NRCAM: variants seen among roughly 807,000 people sequenced by gnomAD.
NRCAM encodes NgCAM-related cell adhesion molecule.
A neutral mutation model predicts 156.5 loss-of-function variants in NRCAM; 83 were observed. That is an observed-to-expected ratio of 0.53 (90% CI 0.44 to 0.64). The LOEUF (loss-of-function observed/expected upper bound fraction) is 0.64. Among genes scored for constraint, NRCAM ranks in the 30% least tolerant of loss-of-function variants. The probability of loss-of-function intolerance (pLI) is 0.00; values close to 1 mark genes in which losing one functional copy is unlikely to be tolerated. For missense variants in NRCAM, 1,417 were observed against 1,597.3 expected (o/e 0.89, Z 1.92); for synonymous variants, 538 against 563.9 (o/e 0.95, Z 0.65).
At chr7:108,198,216 A>C (rs1264088986) in intron 13 of NRCAM, 117 bp from the exon 14 acceptor site, 1 of 710,892 alleles carries the variant, frequency 1.4e-6, no homozygotes, top group Non-Finnish European at 2.2e-6. Flanking sequence ...CAGTAAGAAT[A>C]AGACTAGAAT....
chr7:108,210,144 T>C (rs1588361359), intron 11 of NRCAM, among the ~76,000 whole-genome samples: 2 of 151,886 alleles, frequency 1.3e-5, no homozygotes, highest in East Asian at 3.9e-4. Flanking sequence ...GAAAGAGCTT[T>C]TTTTCCTTAG....
chr7:108,168,636 G>A (rs2056470051), intron 28 of NRCAM, among the ~76,000 whole-genome samples: 1 of 152,206 alleles, frequency 6.6e-6, no homozygotes, highest in Admixed American at 6.5e-5. Context: ...AAATTTGTGA[G>A]TTCTATTATA....
chr7:108,430,377 G>A (rs1260469388), intron 1 of NRCAM, among the ~76,000 whole-genome samples: 1 of 152,152 alleles, frequency 6.6e-6, no homozygotes, highest in Non-Finnish European at 1.5e-5. Context: ...AACTAGTGGT[G>A]ATGGAGGGAA....
intron 1 of NRCAM, among the ~76,000 whole-genome samples, chr7:108,455,032 C>G (rs749698710): frequency 2.0e-5 from 3 of 152,074 alleles, no homozygotes; most frequent in Non-Finnish European, 4.4e-5. Flanking sequence ...CGCCAGCGTA[C>G]GGGGGACGAA....
intron 9 of NRCAM, 30 bp downstream of exon 9, chr7:108,226,177 GA>G: frequency 6.7e-7 from 1 of 1,496,000 alleles, no homozygotes; most frequent in Non-Finnish European, 9.1e-7. Flanking sequence ...AAATGTCATT[GA>G]AGGGGAGATT....
intron 20 of NRCAM, among the ~76,000 whole-genome samples, chr7:108,186,611 A>G (rs908316780): frequency 6.6e-6 from 1 of 152,140 alleles, no homozygotes; most frequent in Admixed American, 6.5e-5. Context: ...TGGTGTACTT[A>G]GTGTCTCCAT....
chr7:108,393,264 G>A (rs1040700233), intron 2 of NRCAM, among the ~76,000 whole-genome samples: 2 of 152,166 alleles, frequency 1.3e-5, no homozygotes, highest in Non-Finnish European at 1.5e-5. Context: ...CCTCAGTAAT[G>A]GTGGGCGCCC....
rs1448507180 is a variant in NRCAM, at chr7:108,318,539, T to C, written c.-173-5808A>G. 2.6e-5 allele frequency among the ~76,000 whole-genome samples: 4 copies of C among 152,284 alleles called. No homozygotes were observed. In the East Asian group the frequency reaches 7.7e-4, roughly 29 times the overall value. ...ACGTTCCACAGGGTGGAAAACACAC[T>C]GTTGACAAACACAGAAGAGCACTTG... is the stretch of plus-strand genomic sequence containing the variant. On this transcript the variant is annotated intron_variant, in intron 2 of 32. Transcript: ENST00000379028.
intron 2 of NRCAM, among the ~76,000 whole-genome samples, chr7:108,332,182 G>A (rs1409285291): frequency 1.3e-5 from 2 of 152,130 alleles, no homozygotes; most frequent in African/African-American, 4.8e-5. Flanking sequence ...AGAGACCCAG[G>A]AACCCCACAG....
In NRCAM at chr7:108,344,435, G is replaced by A. The variant is rs117655943; in HGVS notation, c.-173-31704C>T. Among the ~76,000 whole-genome samples the A allele has an allele frequency of 5.7e-3, 862 of 152,096 alleles. 4 individuals are homozygous for A. The highest frequency in any genetic ancestry group is 9.5e-3 in the Non-Finnish European group (649 of 67,990). ...CGAGCTGGCAATGGCTATGCTCTTCGGGTCCCCTCCTTTTGCATGGGAGCT... is the reference window on the plus strand; with the variant it reads ...CGAGCTGGCAATGGCTATGCTCTTCAGGTCCCCTCCTTTTGCATGGGAGCT... On this transcript the variant is annotated intron_variant, in intron 2 of 32. Transcript: ENST00000379028.
chr7:108,194,218 T>A, intron 16 of NRCAM, 44 bp downstream of exon 16: 1 of 1,611,054 alleles, frequency 6.2e-7, no homozygotes, highest in Non-Finnish European at 8.5e-7. Context: ...CTGGAGAATT[T>A]GTTCAAAGTC....
At chr7:108,208,309 T>C in intron 12 of NRCAM, among the ~76,000 whole-genome samples, 1 of 151,778 alleles carries the variant, frequency 6.6e-6, no homozygotes, top group African/African-American at 2.4e-5. Flanking sequence ...CAACTCAAAA[T>C]AATAAATAAA....
chr7:108,183,087 C>A (rs1185638256), intron 22 of NRCAM, among the ~76,000 whole-genome samples, 167 bp from the exon 23 acceptor site: 1 of 152,224 alleles, frequency 6.6e-6, no homozygotes, highest in Non-Finnish European at 1.5e-5. Context: ...TGTGCATTTG[C>A]AATGAGATTC....
chr7:108,181,192 G>GC (rs1452778713), intron 24 of NRCAM, among the ~76,000 whole-genome samples: 3 of 49,166 alleles, frequency 6.1e-5, no homozygotes, highest in African/African-American at 1.2e-4. Flanking sequence ...GCAATGCTAG[G>GC]GGGAAAAAAA....
At chr7:108,357,426 C>T (rs1249255916) in intron 2 of NRCAM, among the ~76,000 whole-genome samples, 1 of 151,922 alleles carries the variant, frequency 6.6e-6, no homozygotes, top group African/African-American at 2.4e-5. Context: ...CTCCACCTCC[C>T]GGGTTCAAGC....
chr7:108,213,624 G>A (rs1463113553), intron 11 of NRCAM, among the ~76,000 whole-genome samples: 3 of 152,120 alleles, frequency 2.0e-5, no homozygotes, highest in Non-Finnish European at 4.4e-5. Context: ...AGCTATTTTT[G>A]TATCAGACAA....
intron 2 of NRCAM, among the ~76,000 whole-genome samples, chr7:108,356,806 C>A (rs1398114954): frequency 1.3e-5 from 2 of 152,130 alleles, no homozygotes; most frequent in Non-Finnish European, 2.9e-5. Flanking sequence ...ATGAAGGCAT[C>A]ATTATTTTGT....
At chr7:108,301,930 T>TAC (rs2098628901) in intron 3 of NRCAM, among the ~76,000 whole-genome samples, 1 of 152,102 alleles carries the variant, frequency 6.6e-6, no homozygotes. Context: ...GCTCTAGGGT[T>TAC]AAATGCCTTT....
At chr7:108,286,744 A>G (rs1249798054) in intron 3 of NRCAM, among the ~76,000 whole-genome samples, 1 of 152,120 alleles carries the variant, frequency 6.6e-6, no homozygotes, top group African/African-American at 2.4e-5. Flanking sequence ...TAGAAGAACC[A>G]TAATTCAAAG....
Sources: gnomAD v4.1 joint callset for allele counts (sites outside exome capture counted in the v4.1 genomes callset) on GRCh38, gnomAD v4.1.1 for gene constraint, MANE v1.5 for transcripts, NCBI Gene and HGNC (gene_info 2026-07-23, HGNC 2026-07-21) for gene names.